The following MAN2A1 variants were observed in gnomAD, a reference collection of about 807,000 sequenced individuals.
MAN2A1 encodes the protein alpha-mannosidase 2.
In MAN2A1, 76 loss-of-function variants were observed where a neutral mutation model predicts 142.6. That is an observed-to-expected ratio of 0.53 (90% CI 0.44 to 0.65). The LOEUF is 0.65. Ranked by LOEUF, MAN2A1 falls within the 30% of genes least tolerant of loss-of-function variation. The probability of loss-of-function intolerance (pLI) is 0.00; values close to 1 mark genes in which losing one functional copy is unlikely to be tolerated. For synonymous variants in MAN2A1, 559 were observed against 473.2 expected (o/e 1.18, Z -2.35); for missense variants, 1,311 against 1,365.1 (o/e 0.96, Z 0.62).
chr5:109,799,669 A>G (rs1273187327), intron 12 of MAN2A1, among the ~76,000 whole-genome samples: 1 of 151,704 alleles, frequency 6.6e-6, no homozygotes, highest in East Asian at 2.0e-4. Context: ...CAGGAGAATC[A>G]CTTGAACCCA....
At chr5:109,801,505 T>C (rs980130825) in intron 12 of MAN2A1, among the ~76,000 whole-genome samples, 2 of 152,184 alleles carry the variant, frequency 1.3e-5, no homozygotes, top group Non-Finnish European at 2.9e-5. Flanking sequence ...ACTGTTGCCA[T>C]CCTAAATAAA....
intron 6 of MAN2A1, among the ~76,000 whole-genome samples, chr5:109,768,354 T>C (rs1753050930): frequency 1.3e-5 from 2 of 152,208 alleles, no homozygotes; most frequent in Non-Finnish European, 1.5e-5. Flanking sequence ...CCATGTATTA[T>C]GTTACCTCTG....
At chr5:109,818,066 G>C (rs1473841005) in intron 13 of MAN2A1, among the ~76,000 whole-genome samples, 1 of 152,126 alleles carries the variant, frequency 6.6e-6, no homozygotes, top group Non-Finnish European at 1.5e-5. Context: ...CGGCATTTCT[G>C]GAGATACAGC....
At chr5:109,691,093 C>G (rs750048395) in intron 1 of MAN2A1, among the ~76,000 whole-genome samples, 1 of 152,076 alleles carries the variant, frequency 6.6e-6, no homozygotes, top group Non-Finnish European at 1.5e-5. Flanking sequence ...ATGTGAATCT[C>G]TAGGTTGATT....
intron 7 of MAN2A1, among the ~76,000 whole-genome samples, chr5:109,771,559 AGG>A (rs1359782179): frequency 6.6e-6 from 1 of 152,192 alleles, no homozygotes; most frequent in Non-Finnish European, 1.5e-5. Flanking sequence ...GCCCAAGGTT[AGG>A]GATTGACTTG....
intron 1 of MAN2A1, among the ~76,000 whole-genome samples, chr5:109,697,627 C>G (rs1191359522): frequency 6.6e-6 from 1 of 152,186 alleles, no homozygotes; most frequent in Non-Finnish European, 1.5e-5. Context: ...CCAATTGTCT[C>G]TGACCACTTT....
At chr5:109,848,560 C>G (rs1295940922) in intron 19 of MAN2A1, among the ~76,000 whole-genome samples, 1 of 152,096 alleles carries the variant, frequency 6.6e-6, no homozygotes, top group Non-Finnish European at 1.5e-5. Context: ...ACATCTACTC[C>G]CACCCTTCCC....
intron 20 of MAN2A1, among the ~76,000 whole-genome samples, chr5:109,857,751 G>A (rs548974327): frequency 9.9e-5 from 15 of 152,058 alleles, no homozygotes; most frequent in African/African-American, 3.1e-4. Context: ...GAAAAATCCC[G>A]TTGCCTACTG....
intron 4 of MAN2A1, among the ~76,000 whole-genome samples, 171 bp downstream of exon 4, chr5:109,729,684 A>G (rs547921626): frequency 1.3e-5 from 2 of 152,248 alleles, no homozygotes; most frequent in East Asian, 3.9e-4. Flanking sequence ...AAGCCATTTG[A>G]AACTTTTCCA....
rs374238425 is a variant in MAN2A1 at position 109,812,596 on chromosome 5, AT to A, written c.1944-4670del. Reference sequence around the variant, plus strand: ...GATGAATGCATTCTTGTTTGAAATGATTTTTTTAATATGTTGTCATTGATTA... The same window carrying A: ...GATGAATGCATTCTTGTTTGAAATGATTTTTTAATATGTTGTCATTGATTA... On this transcript the variant is annotated intron_variant, in intron 12 of 21. Coordinates refer to ENST00000261483, the MANE Select transcript of MAN2A1 (RefSeq NM_002372.4). 3.5e-3 allele frequency among the ~76,000 whole-genome samples: 532 copies of A among 152,240 alleles called. 5 individuals carry two copies. Among genetic ancestry groups the A allele is most frequent in the African/African-American group, 0.012 (518 of 41,564 alleles).
rs757884005 is a variant in MAN2A1 at position 109,726,987 on chromosome 5, C to T, written c.536-2355C>T. On this transcript the variant is annotated intron_variant, in intron 3 of 21. Transcript: ENST00000261483. ...TTGTTGCACGTGTATAATAAAAGCA[C>T]GGTACAGAAATAGATTTACTTACGT... 4.6e-5 allele frequency among the ~76,000 whole-genome samples: 7 copies of T among 152,088 alleles called. No individual in the cohort carries two copies. The East Asian group carries it at 7.7e-4, about 17-fold the overall frequency.
At chr5:109,794,455 GTAAGATTAAAGGTTTTCTTTCTTGAAA>G (rs1484326140) in intron 12 of MAN2A1, among the ~76,000 whole-genome samples, 1 of 152,116 alleles carries the variant, frequency 6.6e-6, no homozygotes, top group East Asian at 1.9e-4. Flanking sequence ...TAAAAAGTCA[GTAAGATTAAAGGTTTTCTTTCTTGAAA>G]CTGGTCGGCT....
At chr5:109,761,505 G>A (rs1752843245) in intron 5 of MAN2A1, among the ~76,000 whole-genome samples, 1 of 152,042 alleles carries the variant, frequency 6.6e-6, no homozygotes, top group African/African-American at 2.4e-5. Flanking sequence ...GGATGTGACA[G>A]CAGTTTGTTC....
intron 4 of MAN2A1, among the ~76,000 whole-genome samples, chr5:109,751,798 T>G (rs993409269): frequency 6.6e-6 from 1 of 152,058 alleles, no homozygotes; most frequent in East Asian, 1.9e-4. Context: ...TAACATTTCT[T>G]ATCTCCATTT....
At chr5:109,823,878 G>C (rs1442851916) in intron 16 of MAN2A1, 41 bp downstream of exon 16, 7 of 982,096 alleles carry the variant, frequency 7.1e-6, no homozygotes, top group Non-Finnish European at 1.0e-5. Context: ...TATGTATTAT[G>C]GTTTTTGAAT....
At chr5:109,709,081 G>A (rs1272028895) in intron 1 of MAN2A1, among the ~76,000 whole-genome samples, 2 of 152,200 alleles carry the variant, frequency 1.3e-5, no homozygotes, top group Admixed American at 6.5e-5. Context: ...AATAATCAGT[G>A]TTTGACCAGC....
At chr5:109,691,191 C>G (rs1390058691) in intron 1 of MAN2A1, among the ~76,000 whole-genome samples, 1 of 152,062 alleles carries the variant, frequency 6.6e-6, no homozygotes, top group Admixed American at 6.6e-5. Context: ...TATACTCCGG[C>G]CGAAAGCTGT....
At chr5:109,839,439 G>T (rs1755142146) in intron 16 of MAN2A1, among the ~76,000 whole-genome samples, 1 of 151,616 alleles carries the variant, frequency 6.6e-6, no homozygotes, top group Admixed American at 6.6e-5. Context: ...GCAGGTCCTT[G>T]TAATAATTGT....
At chr5:109,785,334 A>G (rs56264137) in intron 10 of MAN2A1, among the ~76,000 whole-genome samples, 4,175 of 151,910 alleles carry the variant, frequency 0.027, 76 homozygotes, top group Non-Finnish European at 0.043. Flanking sequence ...TTCATATCCA[A>G]TTGTTCTTGT....
Sources: allele counts gnomAD v4.1 joint callset (sites outside exome capture counted in the v4.1 genomes callset), GRCh38; gene constraint gnomAD v4.1.1; transcripts MANE v1.5; gene names NCBI Gene and HGNC (gene_info 2026-07-23, HGNC 2026-07-21).